The following CDH13 variants were observed in gnomAD, a reference collection of about 807,000 sequenced individuals.
CDH13 encodes the protein cadherin 13.
Under a neutral mutation model 63.8 loss-of-function variants are expected in CDH13, and 24 were observed. The observed-to-expected ratio is 0.38, with a 90% confidence interval of 0.27 to 0.53. The LOEUF is 0.53. Ranked by LOEUF, CDH13 falls within the 20% of genes least tolerant of loss-of-function variation. The pLI, the probability that CDH13 is intolerant of heterozygous loss-of-function variation, is 0.85. For synonymous variants in CDH13, 503 were observed against 355.3 expected (o/e 1.42, Z -4.67); for missense variants, 1,049 against 903.1 (o/e 1.16, Z -2.07).
chr16:83,280,204 T>A (rs2089126060), intron 5 of CDH13, among the ~76,000 whole-genome samples: 1 of 152,232 alleles, frequency 6.6e-6, no homozygotes, highest in African/African-American at 2.4e-5. Flanking sequence ...CAGAACTTGT[T>A]CCAAAATTGG....
intron 7 of CDH13, among the ~76,000 whole-genome samples, chr16:83,586,821 C>G (rs1382972270): frequency 6.6e-6 from 1 of 152,178 alleles, no homozygotes; most frequent in Non-Finnish European, 1.5e-5. Context: ...TGCTTTTTCT[C>G]CCTGGTCCAC....
At chr16:83,097,361 A>T (rs187270945) in intron 3 of CDH13, among the ~76,000 whole-genome samples, 84 of 152,332 alleles carry the variant, frequency 5.5e-4, no homozygotes, top group African/African-American at 1.9e-3. Context: ...AGAGAGCTCA[A>T]GATTATGGGG....
intron 10 of CDH13, among the ~76,000 whole-genome samples, chr16:83,732,547 C>T (rs2150952836): frequency 6.6e-6 from 1 of 152,306 alleles, no homozygotes; most frequent in Non-Finnish European, 1.5e-5. Flanking sequence ...GACCCGGAAA[C>T]TGTAGTAGGG....
intron 2 of CDH13, among the ~76,000 whole-genome samples, chr16:83,014,174 A>G (rs1285182626): frequency 6.6e-6 from 1 of 152,188 alleles, no homozygotes; most frequent in Non-Finnish European, 1.5e-5. Flanking sequence ...TGCCGATATT[A>G]TAAAACAATC....
intron 1 of CDH13, among the ~76,000 whole-genome samples, chr16:82,777,454 T>C (rs2035550455): frequency 6.6e-6 from 1 of 152,232 alleles, no homozygotes; most frequent in Admixed American, 6.5e-5. Context: ...TCTTTGTGAA[T>C]GGTGCCTCCA....
At chr16:83,085,456 C>G (rs761872216) in intron 3 of CDH13, among the ~76,000 whole-genome samples, 4 of 152,128 alleles carry the variant, frequency 2.6e-5, no homozygotes, top group Non-Finnish European at 5.9e-5. Context: ...ACATGTCTAG[C>G]TATCATGTCA....
chr16:83,377,239 G>C (rs1217753526), intron 6 of CDH13, among the ~76,000 whole-genome samples: 1 of 152,120 alleles, frequency 6.6e-6, no homozygotes, highest in African/African-American at 2.4e-5. Context: ...ACATAAAAAG[G>C]AGGGAGGGGT....
At chr16:83,485,330 C>T (rs986782335) in intron 6 of CDH13, among the ~76,000 whole-genome samples, 2 of 152,218 alleles carry the variant, frequency 1.3e-5, no homozygotes, top group African/African-American at 4.8e-5. Context: ...AATGGATATA[C>T]CAGTTTCCCT....
chr16:83,763,921 A>G (rs1322214719), intron 11 of CDH13, among the ~76,000 whole-genome samples: 7 of 152,130 alleles, frequency 4.6e-5, no homozygotes, highest in Admixed American at 3.3e-4. Context: ...AGTGCCATCT[A>G]CACCTCAGGA....
At chr16:83,652,131 G>A (rs997671590) in intron 8 of CDH13, among the ~76,000 whole-genome samples, 1 of 152,210 alleles carries the variant, frequency 6.6e-6, no homozygotes, top group Non-Finnish European at 1.5e-5. Flanking sequence ...GTGCTCATGG[G>A]AATTACAGTC....
intron 7 of CDH13, among the ~76,000 whole-genome samples, chr16:83,558,829 G>A (rs143437816): frequency 2.0e-5 from 3 of 152,164 alleles, no homozygotes; most frequent in African/African-American, 7.2e-5. Flanking sequence ...ATTTACCCAC[G>A]TGGGTAGGTA....
intron 1 of CDH13, among the ~76,000 whole-genome samples, chr16:82,819,568 C>T (rs1227671147): frequency 2.6e-5 from 4 of 152,148 alleles, no homozygotes; most frequent in African/African-American, 9.7e-5. Flanking sequence ...TCTAGCCACA[C>T]TGTGTTTCAG....
At chr16:82,900,676 G>T (rs2041435344) in intron 2 of CDH13, among the ~76,000 whole-genome samples, 1 of 152,218 alleles carries the variant, frequency 6.6e-6, no homozygotes, top group Non-Finnish European at 1.5e-5. Flanking sequence ...CGTCCCCGAG[G>T]AGACGGGAGG....
At chr16:82,781,957 A>G (rs1003257977) in intron 1 of CDH13, among the ~76,000 whole-genome samples, 8 of 152,216 alleles carry the variant, frequency 5.3e-5, no homozygotes, top group East Asian at 1.9e-4. Flanking sequence ...GAAGGATTCA[A>G]AGAAGGAGGC....
intron 6 of CDH13, among the ~76,000 whole-genome samples, chr16:83,418,633 G>A (rs761719360): frequency 7.9e-5 from 12 of 152,162 alleles, no homozygotes; most frequent in Non-Finnish European, 1.5e-5. Flanking sequence ...CCTTTGATGA[G>A]GAAGTGTTGC....
intron 4 of CDH13, among the ~76,000 whole-genome samples, chr16:83,184,291 C>T (rs1169869343): frequency 1.3e-5 from 2 of 152,092 alleles, no homozygotes; most frequent in South Asian, 2.1e-4. Flanking sequence ...AACCAATAAT[C>T]AGCCTCTTAC....
chr16:83,221,142 C>T (rs893742174), intron 5 of CDH13, among the ~76,000 whole-genome samples: 6 of 152,196 alleles, frequency 3.9e-5, no homozygotes, highest in Non-Finnish European at 5.9e-5. Flanking sequence ...AAACACTCTT[C>T]CTATTTTATC....
intron 1 of CDH13, among the ~76,000 whole-genome samples, chr16:82,640,713 G>A (rs765938071): frequency 1.1e-4 from 17 of 152,126 alleles, no homozygotes; most frequent in Non-Finnish European, 2.4e-4. Context: ...TTTGGCCTCA[G>A]TTGCCATGAA....
chr16:82,713,203 C>G (rs111937501), intron 1 of CDH13, among the ~76,000 whole-genome samples: 45 of 152,256 alleles, frequency 3.0e-4, no homozygotes, highest in African/African-American at 1.0e-3. Flanking sequence ...GCTGAATAAA[C>G]CTGCAGTTTC....
Sources: gnomAD v4.1 joint callset for allele counts (sites outside exome capture counted in the v4.1 genomes callset) on GRCh38, gnomAD v4.1.1 for gene constraint, MANE v1.5 for transcripts, NCBI Gene and HGNC (gene_info 2026-07-23, HGNC 2026-07-21) for gene names.